SYT16: variants seen among roughly 807,000 people sequenced by gnomAD.
The protein encoded by SYT16 is synaptotagmin 16.
In SYT16, 42 loss-of-function variants were observed where a neutral mutation model predicts 61.4. That is an observed-to-expected ratio of 0.68 (90% confidence interval 0.53 to 0.89). The LOEUF (loss-of-function observed/expected upper bound fraction) is 0.89, where lower values mean the gene tolerates loss of function less well. Ranked by LOEUF, SYT16 falls within the 40% of genes least tolerant of loss-of-function variation. SYT16 has a pLI of 0.00. For synonymous variants in SYT16, 314 were observed against 302.3 expected (o/e 1.04, Z -0.40); for missense variants, 804 against 807.3 (o/e 1.00, Z 0.05).
chr14:61,962,142 G>A (rs2051139676), intron 1 of SYT16, among the ~76,000 whole-genome samples: 1 of 152,072 alleles, frequency 6.6e-6, no homozygotes, highest in South Asian at 2.1e-4. Context: ...AGGAGGGTAA[G>A]ATTTGAAAAA....
intron 1 of SYT16, among the ~76,000 whole-genome samples, chr14:61,954,517 T>C (rs1456985279): frequency 6.6e-6 from 1 of 152,176 alleles, no homozygotes; most frequent in Non-Finnish European, 1.5e-5. Flanking sequence ...ATGAACTGTG[T>C]GACCAAACTT....
intron 1 of SYT16, among the ~76,000 whole-genome samples, chr14:61,888,768 GTA>G (rs2048011210): frequency 9.6e-6 from 1 of 104,568 alleles, no homozygotes. Flanking sequence ...CCTTCAATTT[GTA>G]AAAAAAAAAA....
At chr14:62,097,036 G>A (rs567196528) in intron 7 of SYT16, among the ~76,000 whole-genome samples, 7 of 152,144 alleles carry the variant, frequency 4.6e-5, no homozygotes, top group South Asian at 4.1e-4. Context: ...TCAGCAATTC[G>A]TAGAAAATTA....
chr14:62,043,740 A>G (rs563737270), intron 3 of SYT16, among the ~76,000 whole-genome samples: 1 of 151,932 alleles, frequency 6.6e-6, no homozygotes, highest in East Asian at 1.9e-4. Flanking sequence ...GATTTTCCAC[A>G]TCTATTGAGA....
chr14:62,067,124 G>A (rs1032717716), intron 3 of SYT16, among the ~76,000 whole-genome samples: 1 of 148,978 alleles, frequency 6.7e-6, no homozygotes, highest in African/African-American at 2.5e-5. Context: ...GTGTGTGTAT[G>A]TGTGTGTGCA....
chr14:62,053,934 TC>T (rs1236661404), intron 3 of SYT16, among the ~76,000 whole-genome samples: 1 of 152,192 alleles, frequency 6.6e-6, no homozygotes, highest in Non-Finnish European at 1.5e-5. Flanking sequence ...TTTATTTTCA[TC>T]ATGAATCAGG....
Position 61,834,177 on chromosome 14 carries a change from C to T in SYT16, c.-325+21367C>T, listed in dbSNP as rs182384399. On this transcript the variant is annotated intron_variant, in intron 1 of 7. Coordinates refer to ENST00000683842, the MANE Select transcript of SYT16 (RefSeq NM_001367656.1). ...ATGGAGTCTCCCACTGTCGCCTGGGCTGGAGAGCAGTGGTGCGATCTCGGC... is the reference window on the plus strand; with the variant it reads ...ATGGAGTCTCCCACTGTCGCCTGGGTTGGAGAGCAGTGGTGCGATCTCGGC... Among the ~76,000 whole-genome samples the T allele has an allele frequency of 2.1e-3, 322 of 152,112 alleles. 1 individual carries two copies. The highest frequency in any genetic ancestry group is 7.5e-3 in the African/African-American group (311 of 41,488).
intron 2 of SYT16, among the ~76,000 whole-genome samples, chr14:61,982,664 A>G (rs1028212822): frequency 1.3e-5 from 2 of 152,184 alleles, no homozygotes; most frequent in Non-Finnish European, 2.9e-5. Context: ...CTCAGGCAGC[A>G]TGAAATGCAC....
In SYT16 at chr14:62,080,964, A is replaced by G. The variant is rs1297258150; in HGVS notation, c.1124A>G (p.Gln375Arg). 2 of 1,612,386 alleles carry G rather than the reference A, an allele frequency of 1.2e-6. No homozygotes were observed. The highest frequency in any genetic ancestry group is 1.7e-6 in the Non-Finnish European group (2 of 1,179,228). The change falls in exon 6 of 8, where the codon CAG becomes CGG. Residue 375 changes from glutamine (Q) to arginine (R), a missense_variant. Physicochemically the swap from Gln to Arg is conservative, Grantham distance 43. Transcript: ENST00000683842. ...CTCACAGTGACCATTGTGAGGGCAC[A>G]GGGCCTCCCAGATAAGGACCGAAGT... is the stretch of plus-strand genomic sequence containing the variant. Reference protein sequence around the residue: ...QKLTVTIVRAQGLPDKDRSGV... With the variant: ...QKLTVTIVRARGLPDKDRSGV...
In SYT16 at chr14:62,081,126, C is replaced by G; in HGVS notation, c.1286C>G (p.Ala429Gly). 6.2e-7 allele frequency: 1 copy of G among 1,613,954 alleles called. No individual in the cohort carries two copies. The highest frequency in any genetic ancestry group is 8.5e-7 in the Non-Finnish European group (1 of 1,179,876). ...TFAKLEPRDVAACAVRFRLYA... is the reference protein window; with the variant it reads ...TFAKLEPRDVGACAVRFRLYA... Reference sequence around the variant, plus strand: ...GCCAAGCTGGAGCCCAGAGATGTGGCTGCCTGTGCTGTCCGCTTCCGCCTG... The same window carrying G: ...GCCAAGCTGGAGCCCAGAGATGTGGGTGCCTGTGCTGTCCGCTTCCGCCTG... Residue 429 changes from alanine (A) to glycine (G), a missense_variant, in exon 6 of 8, where the codon GCT becomes GGT. Physicochemically the swap from Ala to Gly is moderately conservative, Grantham distance 60 (BLOSUM62 0). Coordinates refer to ENST00000683842, the MANE Select transcript of SYT16 (RefSeq NM_001367656.1).
At chr14:62,017,297 A>G (rs976471798) in intron 3 of SYT16, among the ~76,000 whole-genome samples, 98 of 152,214 alleles carry the variant, frequency 6.4e-4, no homozygotes, top group African/African-American at 1.9e-3. Flanking sequence ...CTGACTTCTA[A>G]ATGTTACCGT....
At chr14:61,925,825 G>C (rs1208244198) in intron 1 of SYT16, among the ~76,000 whole-genome samples, 1 of 152,166 alleles carries the variant, frequency 6.6e-6, no homozygotes, top group African/African-American at 2.4e-5. Context: ...TGTGTGTGGG[G>C]CCTACACACA....
At position 61,996,202 on chromosome 14, in the gene SYT16, G is replaced by A; in HGVS notation, c.183G>A (p.Gln61=). 6.2e-7 allele frequency: 1 copy of A among 1,613,534 alleles called. No homozygotes were observed. The highest frequency in any genetic ancestry group is 8.5e-7 in the Non-Finnish European group (1 of 1,179,616). Residue 61 remains glutamine, a synonymous_variant, in exon 3 of 8, where the codon CAG becomes CAA. Coordinates refer to ENST00000683842, the MANE Select transcript of SYT16 (RefSeq NM_001367656.1). The stretch of plus-strand genomic sequence containing the variant: ...TAGATCAGGACTTAGATAATATTCA[G>A]ATTCAGGAAACGTACTTTGAAGATG... The part of the protein sequence containing the change: ...DKLDQDLDNI[Q]IQETYFEDEE...
chr14:62,050,785 C>T (rs2055242886), intron 3 of SYT16, among the ~76,000 whole-genome samples: 1 of 152,062 alleles, frequency 6.6e-6, no homozygotes, highest in African/African-American at 2.4e-5. Flanking sequence ...TGCAGAACAG[C>T]AGATGTTGGT....
chr14:61,924,410 T>A (rs1424922569), intron 1 of SYT16, among the ~76,000 whole-genome samples: 1 of 152,198 alleles, frequency 6.6e-6, no homozygotes, highest in African/African-American at 2.4e-5. Context: ...TTCATTGCAG[T>A]TTAACCAGAG....
At position 62,084,438 on chromosome 14, in the gene SYT16, GC is replaced by G. The variant is rs1454332727; in HGVS notation, c.1624+56del. On this transcript the variant is annotated intron_variant, in intron 7 of 7. Transcript: ENST00000683842. ...TGGTTCTTCCAGAGGCAAGTGGAAA[GC>G]CCTGTCTGCTTTCATCTTAGTTCTT... 4.5e-6 allele frequency: 7 copies of G among 1,546,310 alleles called. No individual in the cohort carries two copies. The African/African-American group carries it at 8.4e-5, about 19-fold the overall frequency.
chr14:61,961,658 A>G (rs1276659917), intron 1 of SYT16, among the ~76,000 whole-genome samples: 6 of 152,196 alleles, frequency 3.9e-5, no homozygotes, highest in Non-Finnish European at 5.9e-5. Context: ...ACACTTATAC[A>G]CTGCTGGTGG....
At chr14:62,050,580 G>A (rs1027932386) in intron 3 of SYT16, among the ~76,000 whole-genome samples, 5 of 152,148 alleles carry the variant, frequency 3.3e-5, no homozygotes, top group South Asian at 2.1e-4. Flanking sequence ...TTTCTGCTCC[G>A]TTTTTCCCCC....
intron 2 of SYT16, among the ~76,000 whole-genome samples, chr14:61,985,714 A>AT (rs1333920370): frequency 6.6e-6 from 1 of 152,146 alleles, no homozygotes; most frequent in Admixed American, 6.6e-5. Context: ...CTATCCCTAG[A>AT]TTTTTTAGGA....
Sources: gnomAD v4.1 joint callset for allele counts (sites outside exome capture counted in the v4.1 genomes callset) on GRCh38, gnomAD v4.1.1 for gene constraint, MANE v1.5 for transcripts, NCBI Gene and HGNC (gene_info 2026-07-23, HGNC 2026-07-21) for gene names.